The following SDK1 variants were observed in gnomAD, a reference collection of about 807,000 sequenced individuals.
The protein encoded by SDK1 is protein sidekick-1.
A neutral mutation model predicts 245.5 loss-of-function variants in SDK1; 157 were observed. That is an observed-to-expected ratio of 0.64 (90% CI 0.56 to 0.73). The LOEUF is 0.73. Among genes scored for constraint, SDK1 ranks in the 30% least tolerant of loss-of-function variants. The pLI is 0.00. For synonymous variants in SDK1, 1,647 were observed against 1,278.5 expected, an observed-to-expected ratio of 1.29 and a Z score of -6.15; for missense variants, 3,583 against 3,002.3, an observed-to-expected ratio of 1.19 and a Z score of -4.52.
intron 2 of SDK1, among the ~76,000 whole-genome samples, chr7:3,635,891 A>T (rs968116953): frequency 6.6e-6 from 1 of 152,070 alleles, no homozygotes; most frequent in African/African-American, 2.4e-5. Flanking sequence ...TTTTTTGTAG[A>T]GAGACGGTTC....
intron 17 of SDK1, among the ~76,000 whole-genome samples, chr7:4,022,951 A>G (rs1330631540): frequency 1.3e-5 from 2 of 150,802 alleles, no homozygotes; most frequent in African/African-American, 4.9e-5. Flanking sequence ...TTTTTTTTGT[A>G]TTTTATTAGA....
At chr7:3,944,596 G>A (rs888584319) in intron 5 of SDK1, among the ~76,000 whole-genome samples, 3 of 152,148 alleles carry the variant, frequency 2.0e-5, no homozygotes, top group Non-Finnish European at 2.9e-5. Flanking sequence ...TTTTAAAAAT[G>A]CTTAGATATT....
Position 3,858,469 on chromosome 7 carries a change from GA to G in SDK1, c.847+36895del, listed in dbSNP as rs530345322. Reference sequence around the variant, plus strand: ...CTAAGTGAATTCAAAAAATACCCAGGAAAAAAAAATCACAAGAAGCTTAACT... The same window carrying G: ...CTAAGTGAATTCAAAAAATACCCAGGAAAAAAAATCACAAGAAGCTTAACT... On this transcript the variant is annotated intron_variant, in intron 5 of 44. Coordinates refer to ENST00000404826, the MANE Select transcript of SDK1 (RefSeq NM_152744.4). Among the ~76,000 whole-genome samples, 15 of 147,818 alleles carry G rather than the reference GA, an allele frequency of 1.0e-4. No individual in the cohort carries two copies. In the East Asian group the frequency reaches 2.1e-3, roughly 21 times the overall value.
intron 2 of SDK1, among the ~76,000 whole-genome samples, chr7:3,638,757 A>G (rs966674702): frequency 6.6e-6 from 1 of 151,854 alleles, no homozygotes; most frequent in Non-Finnish European, 1.5e-5. Context: ...CACGTTGTGC[A>G]CATGTACCCT....
chr7:3,751,129 G>T (rs533245365), intron 4 of SDK1, among the ~76,000 whole-genome samples: 1 of 152,188 alleles, frequency 6.6e-6, no homozygotes, highest in Non-Finnish European at 1.5e-5. Flanking sequence ...TCCTCCAGTC[G>T]CTGTGTGGCT....
chr7:3,676,973 A>G (rs1403297396), intron 4 of SDK1, among the ~76,000 whole-genome samples: 3 of 152,118 alleles, frequency 2.0e-5, no homozygotes, highest in African/African-American at 7.2e-5. Flanking sequence ...TTGCTTCTCT[A>G]ACCTCATCTT....
At chr7:3,549,153 C>G (rs1779323784) in intron 1 of SDK1, among the ~76,000 whole-genome samples, 1 of 152,194 alleles carries the variant, frequency 6.6e-6, no homozygotes, top group African/African-American at 2.4e-5. Flanking sequence ...TTCCTCCTGT[C>G]TTTGTTATCT....
At chr7:3,939,749 G>C (rs1035205064) in intron 5 of SDK1, among the ~76,000 whole-genome samples, 10 of 152,218 alleles carry the variant, frequency 6.6e-5, no homozygotes, top group African/African-American at 2.4e-4. Context: ...GAGCTATCCA[G>C]ATGCCTGCTC....
chr7:3,485,090 T>C (rs1267981152), intron 1 of SDK1, among the ~76,000 whole-genome samples: 1 of 152,206 alleles, frequency 6.6e-6, no homozygotes, highest in Non-Finnish European at 1.5e-5. Context: ...CTGTTTTCCA[T>C]AATAGTTCTG....
intron 5 of SDK1, among the ~76,000 whole-genome samples, chr7:3,883,663 C>T (rs564306669): frequency 2.4e-4 from 36 of 152,042 alleles, no homozygotes; most frequent in Admixed American, 7.9e-4. Flanking sequence ...AACCAGAAAC[C>T]TAGAGTCGTC....
intron 5 of SDK1, among the ~76,000 whole-genome samples, chr7:3,942,543 C>T (rs900658852): frequency 4.6e-5 from 7 of 152,186 alleles, no homozygotes; most frequent in Admixed American, 4.6e-4. Flanking sequence ...ACATATTGCT[C>T]AACATTGAGC....
intron 1 of SDK1, among the ~76,000 whole-genome samples, chr7:3,428,123 G>A (rs773084087): frequency 3.9e-5 from 6 of 152,200 alleles, no homozygotes; most frequent in Non-Finnish European, 8.8e-5. Flanking sequence ...TTCTGTCTGT[G>A]TACCAACTCA....
rs1781213517 is a variant in SDK1, at chr7:3,370,995, C to G, written c.298+69111C>G. 2.0e-5 allele frequency among the ~76,000 whole-genome samples: 3 copies of G among 152,120 alleles called. No individual in the cohort carries two copies. The South Asian group carries it at 6.2e-4, about 32-fold the overall frequency. The stretch of plus-strand genomic sequence containing the variant: ...AGAGGGAGGTGCTAAGGGTGCCGTC[C>G]AACCCTGACTGCAAATCACTTAAAA... On this transcript the variant is annotated intron_variant, in intron 1 of 44. Coordinates refer to ENST00000404826, the MANE Select transcript of SDK1 (RefSeq NM_152744.4).
At chr7:3,986,664 A>T (rs35294653) in intron 13 of SDK1, among the ~76,000 whole-genome samples, 289 of 152,176 alleles carry the variant, frequency 1.9e-3, no homozygotes, top group Non-Finnish European at 2.8e-3. Flanking sequence ...TTCAAGACCA[A>T]CCTGGCCAAG....
At chr7:3,896,966 G>T (rs933305832) in intron 5 of SDK1, among the ~76,000 whole-genome samples, 3 of 152,188 alleles carry the variant, frequency 2.0e-5, no homozygotes, top group Admixed American at 2.0e-4. Context: ...AATCATGGCA[G>T]AAGGGTGAAG....
intron 31 of SDK1, among the ~76,000 whole-genome samples, chr7:4,160,031 G>A (rs754030770): frequency 4.6e-5 from 7 of 152,168 alleles, no homozygotes; most frequent in Admixed American, 6.5e-5. Flanking sequence ...TGCAAATACT[G>A]CACCACTTTA....
chr7:3,337,786 A>C (rs148574062), intron 1 of SDK1: 1 of 152,248 alleles, frequency 6.6e-6, no homozygotes, highest in African/African-American at 2.4e-5. Context: ...CCAATTCTAT[A>C]TGCAACAAAA....
At chr7:4,193,325 A>G (rs570733741) in intron 35 of SDK1, among the ~76,000 whole-genome samples, 1 of 135,136 alleles carries the variant, frequency 7.4e-6, no homozygotes, top group African/African-American at 2.9e-5. Context: ...TTTATACAAT[A>G]TATAAATATA....
intron 4 of SDK1, among the ~76,000 whole-genome samples, chr7:3,644,875 A>C (rs1014354282): frequency 2.0e-5 from 3 of 151,456 alleles, no homozygotes; most frequent in Non-Finnish European, 2.9e-5. Context: ...TCCAGTGCTG[A>C]CCACAGTATG....
Sources: allele counts gnomAD v4.1 joint callset (sites outside exome capture counted in the v4.1 genomes callset), GRCh38; gene constraint gnomAD v4.1.1; transcripts MANE v1.5; gene names NCBI Gene and HGNC (gene_info 2026-07-23, HGNC 2026-07-21).